Variants in SP1 observed in about 807,000 individuals in gnomAD.
The protein encoded by SP1 is Sp1 transcription factor, also known as transcription factor Sp1.
SP1 carries 6 observed loss-of-function variants against 66.3 expected under a neutral mutation model. That is an observed-to-expected ratio of 0.09 (90% CI 0.05 to 0.18). SP1 has a LOEUF of 0.18. Ranked by LOEUF, SP1 falls within the 10% of genes least tolerant of loss-of-function variation. SP1 has a pLI of 1.00. For synonymous variants in SP1, 417 were observed against 360.8 expected, an observed-to-expected ratio of 1.16 and a Z score of -1.77; for missense variants, 848 against 964.5, an observed-to-expected ratio of 0.88 and a Z score of 1.60.
At chr12:53,405,256 G>A (rs1441354916) in intron 3 of SP1, among the ~76,000 whole-genome samples, 1 of 152,098 alleles carries the variant, frequency 6.6e-6, no homozygotes, top group African/African-American at 2.4e-5. Context: ...TGAGGTTACA[G>A]GCAGAACCAC....
intron 3 of SP1, among the ~76,000 whole-genome samples, chr12:53,393,255 C>T (rs1314930197): frequency 6.6e-6 from 1 of 152,178 alleles, no homozygotes; most frequent in Admixed American, 6.6e-5. Context: ...TCGAAACCAA[C>T]CTGGGCAACA....
rs1001193932 is a variant in SP1 at position 53,402,634 on chromosome 12, T to A, written c.1676-3951T>A. ...GGGGCGGATCACCTAAGGTCAGGAG[T>A]TTGAGACCAGCCTGGCCAAACTGGT... is the stretch of plus-strand genomic sequence containing the variant. On this transcript the variant is annotated intron_variant, in intron 3 of 5. Transcript: ENST00000327443. Among the ~76,000 whole-genome samples, 3 of 149,358 alleles carry A rather than the reference T, an allele frequency of 2.0e-5. No homozygotes were observed. The South Asian group carries it at 6.4e-4, about 32-fold the overall frequency.
chr12:53,384,633 A>G (rs1164925835), intron 3 of SP1, among the ~76,000 whole-genome samples: 2 of 152,210 alleles, frequency 1.3e-5, no homozygotes, highest in Admixed American at 6.5e-5. Context: ...TTAAAAATGT[A>G]AAACCATTCT....
At chr12:53,384,697 T>C (rs753973568) in intron 3 of SP1, among the ~76,000 whole-genome samples, 2 of 152,050 alleles carry the variant, frequency 1.3e-5, no homozygotes, top group Non-Finnish European at 2.9e-5. Context: ...GGATAAAAAT[T>C]GATTATGGGC....
intron 4 of SP1, among the ~76,000 whole-genome samples, chr12:53,406,999 T>G (rs554321658): frequency 6.6e-6 from 1 of 152,076 alleles, no homozygotes; most frequent in African/African-American, 2.4e-5. Context: ...TATCTTTTTT[T>G]ATTTTTAGTA....
At chr12:53,406,827 A>AT in intron 4 of SP1, 74 bp downstream of exon 4, 2 of 1,329,406 alleles carry the variant, frequency 1.5e-6, no homozygotes, top group Non-Finnish European at 2.0e-6. Context: ...GAAGAAGATT[A>AT]ATTTTTTTTT....
At chr12:53,391,952 C>T (rs568974211) in intron 3 of SP1, among the ~76,000 whole-genome samples, 12 of 152,064 alleles carry the variant, frequency 7.9e-5, no homozygotes, top group Admixed American at 2.6e-4. Flanking sequence ...TTATGGCTAT[C>T]CTGAAAAACG....
chr12:53,383,280 A>G lies in SP1; in HGVS notation c.1333A>G (p.Asn445Asp). Residue 445 changes from asparagine to aspartate, a missense_variant, in exon 3 of 6, where the codon AAC (asparagine) becomes GAC (aspartate). Around this residue, in one of 7 missense-constraint regions of SP1, gnomAD observed 606 missense variants for 589.9 expected, o/e 1.03. Coordinates refer to ENST00000327443, the MANE Select transcript of SP1 (RefSeq NM_138473.3). Reference protein sequence around the residue: ...LQNLQLQAVPNSGPIIIRTPT... With the variant: ...LQNLQLQAVPDSGPIIIRTPT... The stretch of plus-strand genomic sequence containing the variant: ...GAACCTCCAGCTTCAGGCTGTTCCA[A>G]ACTCTGGTCCCATCATCATCCGGAC... The G allele has an allele frequency of 6.2e-7, 1 of 1,614,164 alleles. No homozygotes were observed. Among genetic ancestry groups the G allele is most frequent in the Non-Finnish European group, 8.5e-7 (1 of 1,180,034 alleles).
At chr12:53,403,545 G>A (rs1938659870) in intron 3 of SP1, among the ~76,000 whole-genome samples, 1 of 150,552 alleles carries the variant, frequency 6.6e-6, no homozygotes, top group African/African-American at 2.4e-5. Context: ...GTAGAGATGA[G>A]GTCTTAACTG....
chr12:53,399,100 A>G (rs1292695765), intron 3 of SP1, among the ~76,000 whole-genome samples: 2 of 152,154 alleles, frequency 1.3e-5, no homozygotes, highest in Non-Finnish European at 2.9e-5. Context: ...ATTTAAAATG[A>G]TTTTATGGTA....
intron 1 of SP1, among the ~76,000 whole-genome samples, chr12:53,380,913 C>G (rs1444808364): frequency 6.7e-6 from 1 of 150,150 alleles, no homozygotes; most frequent in Non-Finnish European, 1.5e-5. Context: ...TTTTTCCCCT[C>G]TCGTTACTTT....
At chr12:53,404,558 AG>A (rs1223686547) in intron 3 of SP1, among the ~76,000 whole-genome samples, 1 of 151,940 alleles carries the variant, frequency 6.6e-6, no homozygotes, top group African/African-American at 2.4e-5. Context: ...AAAAAAAAAA[AG>A]AATATTATCT....
At chr12:53,397,303 G>A (rs1379111376) in intron 3 of SP1, among the ~76,000 whole-genome samples, 2 of 151,828 alleles carry the variant, frequency 1.3e-5, no homozygotes, top group East Asian at 1.9e-4. Context: ...GAGCCACTGC[G>A]CCTGGCCTTA....
In SP1 at chr12:53,383,061, C is replaced by A; in HGVS notation, c.1114C>A (p.Gln372Lys). ...GGGGTCTGATGCTCTGAACATCCAG[C>A]AAAACCAGACATCTGGAGGCTCATT... ...LQGSDALNIQ[Q>K]NQTSGGSLQA... The change falls in exon 3 of 6, where the codon CAA becomes AAA. Residue 372 changes from glutamine to lysine, a missense_variant. Physicochemically the swap from Gln to Lys is moderately conservative, Grantham distance 53 (BLOSUM62 1). This residue lies in a region of SP1 where 606 missense variants were observed against 589.9 expected (regional missense o/e 1.03). Coordinates refer to ENST00000327443, the MANE Select transcript of SP1 (RefSeq NM_138473.3). The A allele has an allele frequency of 6.2e-7, 1 of 1,614,220 alleles. No homozygotes were observed. Among genetic ancestry groups the A allele is most frequent in the South Asian group, 1.1e-5 (1 of 91,086 alleles).
At chr12:53,387,724 G>A (rs1217678057) in intron 3 of SP1, among the ~76,000 whole-genome samples, 1 of 152,124 alleles carries the variant, frequency 6.6e-6, no homozygotes, top group Non-Finnish European at 1.5e-5. Flanking sequence ...GGTGGCTCAC[G>A]CCTGTAATCC....
At chr12:53,407,797 C>T (rs1938778472) in intron 4 of SP1, among the ~76,000 whole-genome samples, 1 of 151,186 alleles carries the variant, frequency 6.6e-6, no homozygotes, top group Non-Finnish European at 1.5e-5. Context: ...CCACCTCGCC[C>T]AGCTAATTTT....
intron 1 of SP1, 69 bp downstream of exon 1, chr12:53,380,367 G>A: frequency 7.6e-7 from 1 of 1,312,136 alleles, no homozygotes; most frequent in Non-Finnish European, 1.0e-6. Context: ...GGGCCGACCG[G>A]GCGATCCCCG....
chr12:53,402,716 C>A (rs1938635537), intron 3 of SP1, among the ~76,000 whole-genome samples: 1 of 147,530 alleles, frequency 6.8e-6, no homozygotes, highest in Admixed American at 7.1e-5. Flanking sequence ...CCTGTAATCC[C>A]ATCACTTTGG....
At position 53,382,298 on chromosome 12, in the gene SP1, C is replaced by A; in HGVS notation, c.351C>A (p.Thr117=). ...WQIISSSSGA[T]PTSKEQSGSS... is the part of the protein sequence containing the mutation. Reference sequence around the variant, plus strand: ...TCATCTCTTCCTCCTCTGGGGCTACCCCTACCTCAAAGGAACAGAGTGGCA... The same window carrying A: ...TCATCTCTTCCTCCTCTGGGGCTACACCTACCTCAAAGGAACAGAGTGGCA... Residue 117 remains threonine (T), a synonymous_variant, in exon 3 of 6, where the codon ACC becomes ACA. Transcript: ENST00000327443. 1.2e-6 allele frequency: 2 copies of A among 1,614,164 alleles called. No individual in the cohort carries two copies. Among genetic ancestry groups the A allele is most frequent in the Non-Finnish European group, 1.7e-6 (2 of 1,180,022 alleles).
Sources: allele counts gnomAD v4.1 joint callset (sites outside exome capture counted in the v4.1 genomes callset), GRCh38; gene constraint gnomAD v4.1.1; regional missense constraint gnomAD v4.1.1; transcripts MANE v1.5; gene names NCBI Gene and HGNC (gene_info 2026-07-23, HGNC 2026-07-21).